The following KLF13 variants were observed in gnomAD, a reference collection of about 807,000 sequenced individuals.
The protein encoded by KLF13 is KLF transcription factor 13, also known as Krueppel-like factor 13.
KLF13 carries 8 observed loss-of-function variants against 16.7 expected under a neutral mutation model. The ratio of observed to expected loss-of-function variants is 0.48; its 90% CI spans 0.28 to 0.87. The LOEUF is 0.87. Among genes scored for constraint, KLF13 ranks in the 40% least tolerant of loss-of-function variants. The probability of loss-of-function intolerance (pLI) is 0.10; values close to 1 mark genes in which losing one functional copy is unlikely to be tolerated. For missense variants in KLF13, 447 were observed against 452.2 expected (o/e 0.99, Z 0.10); for synonymous variants, 245 against 208.4 (o/e 1.18, Z -1.51).
At chr15:31,338,109 G>A (rs1175169901) in intron 1 of KLF13, among the ~76,000 whole-genome samples, 6 of 152,140 alleles carry the variant, frequency 3.9e-5, no homozygotes, top group Non-Finnish European at 7.4e-5. Flanking sequence ...ATGATGGGCT[G>A]GGTAGTACAC....
intron 1 of KLF13, among the ~76,000 whole-genome samples, chr15:31,344,369 A>G (rs1360695961): frequency 1.3e-5 from 2 of 152,180 alleles, no homozygotes; most frequent in Admixed American, 6.5e-5. Context: ...AAAACACGCC[A>G]TGGCTGGACG....
At chr15:31,390,018 A>G (rs1215623417), upstream of KLF13, among the ~76,000 whole-genome samples, 1 of 152,162 alleles carries the variant, frequency 6.6e-6, no homozygotes, top group Non-Finnish European at 1.5e-5. Context: ...ATTTTGTTAT[A>G]TACATTTTCC....
At chr15:31,420,442 C>A in intron 1 of KLF13, 1 of 903,354 alleles carries the variant, frequency 1.1e-6, no homozygotes, top group South Asian at 1.3e-5. Context: ...GCTACCACCC[C>A]AACATAGACA....
chr15:31,338,307 CGTGTAT>C (rs1181790633), intron 1 of KLF13, among the ~76,000 whole-genome samples: 2 of 152,040 alleles, frequency 1.3e-5, no homozygotes, highest in Non-Finnish European at 2.9e-5. Context: ...AGTGTGTGCA[CGTGTAT>C]GTGTATGTGT....
intron 1 of KLF13, among the ~76,000 whole-genome samples, chr15:31,383,681 A>G (rs977782987): frequency 6.6e-6 from 1 of 152,232 alleles, no homozygotes; most frequent in South Asian, 2.1e-4. Flanking sequence ...CGGGCAGATC[A>G]CGAGGTCAGG....
At chr15:31,355,361 A>C (rs2039284249) in intron 1 of KLF13, among the ~76,000 whole-genome samples, 1 of 152,210 alleles carries the variant, frequency 6.6e-6, no homozygotes, top group Non-Finnish European at 1.5e-5. Flanking sequence ...TGCTCTAAGG[A>C]AAGGCTGGAC....
At chr15:31,363,567 A>G (rs2039420471) in intron 1 of KLF13, among the ~76,000 whole-genome samples, 1 of 152,044 alleles carries the variant, frequency 6.6e-6, no homozygotes. Context: ...GCTCACTGCA[A>G]CCTCTGCCTC....
chr15:31,344,896 C>T (rs547004302), intron 1 of KLF13, among the ~76,000 whole-genome samples: 8 of 152,224 alleles, frequency 5.3e-5, no homozygotes, highest in East Asian at 3.9e-4. Context: ...AGGGAGGGGC[C>T]GCAAGTAACC....
chr15:31,381,857 G>A (rs2039730912), downstream of KLF13, among the ~76,000 whole-genome samples: 1 of 152,222 alleles, frequency 6.6e-6, no homozygotes, highest in South Asian at 2.1e-4. Flanking sequence ...TTGAAGACCT[G>A]CACCCCAGTT....
chr15:31,332,849 A>G (rs930790424), intron 1 of KLF13, among the ~76,000 whole-genome samples: 1 of 152,238 alleles, frequency 6.6e-6, no homozygotes, highest in Non-Finnish European at 1.5e-5. Flanking sequence ...TAAATGGGTC[A>G]TGAAGAAGCC....
intron 1 of KLF13, among the ~76,000 whole-genome samples, chr15:31,328,305 C>T (rs1393072306): frequency 2.6e-5 from 4 of 151,922 alleles, no homozygotes; most frequent in South Asian, 4.1e-4. Context: ...GACAAGGTTT[C>T]CTTCGCCACT....
At chr15:31,328,016 C>T (rs1227346513) in intron 1 of KLF13, among the ~76,000 whole-genome samples, 1 of 147,906 alleles carries the variant, frequency 6.8e-6, no homozygotes, top group Non-Finnish European at 1.5e-5. Flanking sequence ...CGCGCCCCCG[C>T]CGGGCACGCC....
At chr15:31,334,786 C>G (rs1193301167) in intron 1 of KLF13, among the ~76,000 whole-genome samples, 2 of 152,126 alleles carry the variant, frequency 1.3e-5, no homozygotes, top group South Asian at 2.1e-4. Context: ...AACTTCCTGT[C>G]GAGATGGGAA....
rs1365195030 is a variant in KLF13, at chr15:31,327,108, G to A, written c.-105G>A. On this transcript the variant is annotated 5_prime_UTR_variant, in exon 1 of 2. Transcript: ENST00000307145. ...CCAGCCCAGCCCAGCCCGAGGAGAG[G>A]GCGCGCCGCGCCCCCGCCCCCCGCC... 1 of 1,012,532 alleles carries A rather than the reference G, an allele frequency of 9.9e-7. No homozygotes were observed. Among genetic ancestry groups the A allele is most frequent in the African/African-American group, 1.7e-5 (1 of 57,828 alleles). 62.7% of individuals were successfully genotyped at this position (1,012,532 alleles called of 1,614,324 possible). A position where few individuals can be genotyped will look rare whatever the true frequency, so the allele number is the denominator to read the frequency against.
upstream of KLF13, among the ~76,000 whole-genome samples, chr15:31,389,405 C>G (rs534292864): frequency 4.0e-4 from 61 of 152,240 alleles, 1 homozygote; most frequent in Non-Finnish European, 8.4e-4. Context: ...GGATTCTTGA[C>G]TCAATGGGGG....
At chr15:31,414,004 G>C (rs2040227162) in intron 1 of KLF13, among the ~76,000 whole-genome samples, 1 of 152,130 alleles carries the variant, frequency 6.6e-6, no homozygotes, top group South Asian at 2.1e-4. Flanking sequence ...AATGGGCTAA[G>C]AAAATGATTA....
downstream of KLF13, among the ~76,000 whole-genome samples, chr15:31,409,510 A>C (rs1417718769): frequency 6.6e-6 from 1 of 152,008 alleles, no homozygotes; most frequent in Non-Finnish European, 1.5e-5. Context: ...GCAGGAAAGA[A>C]AGAGAGAGAA....
rs144238961 is a variant in KLF13 at position 31,348,291 on chromosome 15, G to C, written c.577+20502G>C. ...CTTCAGCTTGGTTTTGCACTAAAGGGACAGCAGAACCCAGAGGGCCTGGCT... is the reference window on the plus strand; with the variant it reads ...CTTCAGCTTGGTTTTGCACTAAAGGCACAGCAGAACCCAGAGGGCCTGGCT... On this transcript the variant is annotated intron_variant, in intron 1 of 1. Coordinates refer to ENST00000307145, the MANE Select transcript of KLF13 (RefSeq NM_015995.4). Among the ~76,000 whole-genome samples the C allele has an allele frequency of 4.6e-5, 7 of 152,200 alleles. No homozygotes were observed. In the East Asian group the frequency reaches 1.4e-3, roughly 29 times the overall value.
intron 1 of KLF13, 140 bp downstream of exon 1, chr15:31,327,929 C>T (rs1024300949): frequency 6.7e-5 from 66 of 987,348 alleles, no homozygotes; most frequent in Non-Finnish European, 7.9e-5. Context: ...CCTTCCCCTG[C>T]CGCTCCGACC....
Sources: gnomAD v4.1 joint callset for allele counts (sites outside exome capture counted in the v4.1 genomes callset) on GRCh38, gnomAD v4.1.1 for gene constraint, MANE v1.5 for transcripts, NCBI Gene and HGNC (gene_info 2026-07-23, HGNC 2026-07-21) for gene names.